The following ZNF521 variants were observed in gnomAD, a reference collection of about 807,000 sequenced individuals.
The protein encoded by ZNF521 is zinc finger protein 521, also known as LYST-interacting protein 3.
ZNF521 carries 14 observed loss-of-function variants against 105.5 expected under a neutral mutation model. The ratio of observed to expected loss-of-function variants is 0.13; its 90% CI spans 0.09 to 0.21. The LOEUF is 0.21. ZNF521 is among the 10% of genes least tolerant of loss of function. The pLI is 1.00. For synonymous variants in ZNF521, 635 were observed against 606.0 expected (o/e 1.05, Z -0.70); for missense variants, 1,233 against 1,629.7 (o/e 0.76, Z 4.19).
intron 4 of ZNF521, among the ~76,000 whole-genome samples, chr18:25,220,145 G>A: frequency 6.6e-6 from 1 of 152,218 alleles, no homozygotes; most frequent in East Asian, 1.9e-4. Flanking sequence ...AGGCCACAGG[G>A]CGTTCACAGA....
At chr18:25,179,142 T>C (rs2035586387) in intron 5 of ZNF521, among the ~76,000 whole-genome samples, 1 of 63,702 alleles carries the variant, frequency 1.6e-5, no homozygotes, top group Non-Finnish European at 3.1e-5. Context: ...TTTTTTTTTT[T>C]TTTTTTTTTT....
chr18:25,085,837 T>C (rs2144190737), intron 7 of ZNF521, among the ~76,000 whole-genome samples: 1 of 152,114 alleles, frequency 6.6e-6, no homozygotes, highest in Middle Eastern at 3.4e-3. Flanking sequence ...CCAAAAGAAA[T>C]GTAAATTATG....
chr18:25,311,124 T>C lies in ZNF521; in HGVS notation c.220+10884A>G, dbSNP rs531820777. 3.9e-5 allele frequency among the ~76,000 whole-genome samples: 6 copies of C among 152,270 alleles called. No homozygotes were observed. In the East Asian group the frequency reaches 9.7e-4, roughly 25 times the overall value. Reference sequence around the variant, plus strand: ...CCAATTCCTTGAAGTTTAAAGGAACTAAGCCCTGAGGCACAGTGTAGAATG... The same window carrying C: ...CCAATTCCTTGAAGTTTAAAGGAACCAAGCCCTGAGGCACAGTGTAGAATG... On this transcript the variant is annotated intron_variant, in intron 3 of 7. Transcript: ENST00000361524.
At chr18:25,341,517 A>G (rs1004720469) in intron 2 of ZNF521, among the ~76,000 whole-genome samples, 49 of 152,224 alleles carry the variant, frequency 3.2e-4, no homozygotes, top group African/African-American at 1.0e-3. Flanking sequence ...AAGATATTGC[A>G]ACATCACTGA....
intron 5 of ZNF521, among the ~76,000 whole-genome samples, chr18:25,097,950 A>G (rs1051158906): frequency 6.6e-6 from 1 of 152,130 alleles, no homozygotes; most frequent in Non-Finnish European, 1.5e-5. Flanking sequence ...GGTAGGCTGC[A>G]TGGTACCCAG....
intron 3 of ZNF521, among the ~76,000 whole-genome samples, chr18:25,281,887 G>A (rs1346728434): frequency 6.6e-6 from 1 of 152,006 alleles, no homozygotes; most frequent in Non-Finnish European, 1.5e-5. Flanking sequence ...AATCACAGGC[G>A]GTACTTCATC....
rs113798626 is a variant in ZNF521 at position 25,229,584 on chromosome 18, G to C, written c.221-1887C>G. 1.7e-3 allele frequency among the ~76,000 whole-genome samples: 258 copies of C among 151,762 alleles called. 3 individuals carry two copies. The highest frequency in any genetic ancestry group is 5.9e-3 in the African/African-American group (244 of 41,354). On this transcript the variant is annotated intron_variant, in intron 3 of 7. Transcript: ENST00000361524. ...AGCAAAAAAACTCAATAATGATCTAGTTTTCCCCTTAAAAAAGTGTTGTCA... is the reference window on the plus strand; with the variant it reads ...AGCAAAAAAACTCAATAATGATCTACTTTTCCCCTTAAAAAAGTGTTGTCA...
chr18:25,152,458 A>C (rs1029183329), intron 5 of ZNF521, among the ~76,000 whole-genome samples: 11 of 151,534 alleles, frequency 7.3e-5, no homozygotes, highest in South Asian at 2.1e-4. Context: ...CAACCTGGGC[A>C]ACAGAGCGAG....
Position 25,225,656 on chromosome 18 carries a change from G to A in ZNF521, c.2262C>T (p.Cys754=), listed in dbSNP as rs1906072524. 1.2e-6 allele frequency: 2 copies of A among 1,614,160 alleles called. No individual in the cohort carries two copies. Among genetic ancestry groups the A allele is most frequent in the Admixed American group, 1.7e-5 (1 of 60,022 alleles). The change falls in exon 4 of 8, where the codon TGC becomes TGT. Residue 754 remains cysteine, a synonymous_variant. Transcript: ENST00000361524. This position sits in a 1 kb window ranked among gnomAD's most constrained non-coding sequence, Gnocchi z 5.6. ...TGCGGAAGTCCCAGTTGCAAGATGTGCACCTATAGACTTTCTTTTCGTTAC... is the reference window on the plus strand; with the variant it reads ...TGCGGAAGTCCCAGTTGCAAGATGTACACCTATAGACTTTCTTTTCGTTAC... The part of the protein sequence containing the change: ...KHSNEKKVYR[C]TSCNWDFRNE...
intron 5 of ZNF521, among the ~76,000 whole-genome samples, chr18:25,172,542 C>T (rs911868512): frequency 6.6e-6 from 1 of 152,098 alleles, no homozygotes; most frequent in African/African-American, 2.4e-5. Flanking sequence ...GCTTTTCTTT[C>T]CCCTGAGCTA....
At chr18:25,284,918 A>G (rs1910607963) in intron 3 of ZNF521, among the ~76,000 whole-genome samples, 1 of 151,958 alleles carries the variant, frequency 6.6e-6, no homozygotes, top group Non-Finnish European at 1.5e-5. Flanking sequence ...GCGCACACAC[A>G]CACACACACA....
intron 5 of ZNF521, among the ~76,000 whole-genome samples, chr18:25,113,429 T>C (rs779763957): frequency 1.3e-5 from 2 of 152,222 alleles, no homozygotes; most frequent in Non-Finnish European, 2.9e-5. Flanking sequence ...GCTCATGGAT[T>C]ATGTATCTTG....
intron 5 of ZNF521, among the ~76,000 whole-genome samples, chr18:25,117,622 A>T (rs1286518197): frequency 6.6e-6 from 1 of 152,128 alleles, no homozygotes; most frequent in Non-Finnish European, 1.5e-5. Flanking sequence ...TAAACTGAAA[A>T]TTATAATTTT....
chr18:25,317,302 TG>T (rs1912692294), intron 3 of ZNF521, among the ~76,000 whole-genome samples: 1 of 152,200 alleles, frequency 6.6e-6, no homozygotes. Context: ...ATACCATGTG[TG>T]GAAAATTCAG....
At chr18:25,077,940 G>GA (rs921124979) in intron 7 of ZNF521, among the ~76,000 whole-genome samples, 81 of 147,500 alleles carry the variant, frequency 5.5e-4, no homozygotes, top group African/African-American at 1.2e-3. Context: ...CAAAGAAGAA[G>GA]AAAAAAAAAA....
chr18:25,216,990 AG>A (rs1391649424), intron 4 of ZNF521, among the ~76,000 whole-genome samples: 1 of 152,208 alleles, frequency 6.6e-6, no homozygotes, highest in African/African-American at 2.4e-5. Flanking sequence ...AGAGCAGCTC[AG>A]GTGATAAAGT....
intron 5 of ZNF521, among the ~76,000 whole-genome samples, chr18:25,153,167 T>A (rs147683135): frequency 6.6e-6 from 1 of 152,188 alleles, no homozygotes; most frequent in South Asian, 2.1e-4. Flanking sequence ...ATGCTGTCAG[T>A]ATGGAGAATG....
intron 4 of ZNF521, among the ~76,000 whole-genome samples, chr18:25,207,315 T>C (rs932188504): frequency 8.2e-5 from 12 of 145,510 alleles, no homozygotes; most frequent in African/African-American, 3.1e-4. Flanking sequence ...ATGTACATGG[T>C]GTGGCGGCTC....
At chr18:25,321,689 T>A (rs1371894471) in intron 3 of ZNF521, among the ~76,000 whole-genome samples, 1 of 152,226 alleles carries the variant, frequency 6.6e-6, no homozygotes, top group African/African-American at 2.4e-5. Flanking sequence ...TGAAAAGGTA[T>A]TCAAAGGATT....
Sources: allele counts gnomAD v4.1 joint callset (sites outside exome capture counted in the v4.1 genomes callset), GRCh38; gene constraint gnomAD v4.1.1; non-coding constraint Gnocchi (gnomAD v3.1); transcripts MANE v1.5; gene names NCBI Gene and HGNC (gene_info 2026-07-23, HGNC 2026-07-21).